HIPK2: variants seen among roughly 807,000 people sequenced by gnomAD.
The protein encoded by HIPK2 is homeodomain-interacting protein kinase 2.
Under a neutral mutation model 113.7 loss-of-function variants are expected in HIPK2, and 27 were observed. The observed-to-expected ratio is 0.24, with a 90% CI of 0.17 to 0.33. HIPK2 has a LOEUF of 0.33. Ranked by LOEUF, HIPK2 falls within the 10% of genes least tolerant of loss-of-function variation. The pLI, the probability that HIPK2 is intolerant of heterozygous loss-of-function variation, is 1.00. For missense variants in HIPK2, 1,257 were observed against 1,588.0 expected (o/e 0.79, Z 3.54); for synonymous variants, 631 against 642.2 (o/e 0.98, Z 0.26).
chr7:139,733,320 G>A (rs1001132804), intron 1 of HIPK2, among the ~76,000 whole-genome samples: 1 of 152,328 alleles, frequency 6.6e-6, no homozygotes, highest in Non-Finnish European at 1.5e-5. Flanking sequence ...ACTGAGGGGA[G>A]GGTGGTCAGC....
intron 2 of HIPK2, among the ~76,000 whole-genome samples, chr7:139,695,404 G>A (rs1453627592): frequency 3.3e-5 from 5 of 152,254 alleles, no homozygotes; most frequent in Non-Finnish European, 5.9e-5. Flanking sequence ...TTGGGGGCTC[G>A]CCACTCCATC....
intron 13 of HIPK2, among the ~76,000 whole-genome samples, chr7:139,576,135 C>A (rs1289031969): frequency 6.6e-6 from 1 of 152,206 alleles, no homozygotes; most frequent in African/African-American, 2.4e-5. Flanking sequence ...GCTAAAATAA[C>A]CCTCAGAGTC....
chr7:139,585,424 C>T (rs1277299070), intron 12 of HIPK2, among the ~76,000 whole-genome samples: 2 of 152,220 alleles, frequency 1.3e-5, no homozygotes, highest in East Asian at 1.9e-4. Context: ...CCCCAACGCC[C>T]AGCGCTCCTG....
At chr7:139,695,413 T>C (rs1356067100) in intron 2 of HIPK2, among the ~76,000 whole-genome samples, 1 of 152,110 alleles carries the variant, frequency 6.6e-6, no homozygotes, top group African/African-American at 2.4e-5. Context: ...CGCCACTCCA[T>C]CTCTTGGGGC....
intron 2 of HIPK2, among the ~76,000 whole-genome samples, chr7:139,679,861 G>A (rs1802635850): frequency 6.6e-6 from 1 of 151,900 alleles, no homozygotes; most frequent in Non-Finnish European, 1.5e-5. Context: ...AAAGGCATTT[G>A]TTTTTTAACC....
intron 1 of HIPK2, among the ~76,000 whole-genome samples, chr7:139,745,913 T>C (rs1279367812): frequency 8.5e-5 from 13 of 152,216 alleles, no homozygotes; most frequent in Non-Finnish European, 1.9e-4. Flanking sequence ...GCCACGATTA[T>C]TTCAACACAG....
At chr7:139,641,693 C>T (rs888732461) in intron 2 of HIPK2, among the ~76,000 whole-genome samples, 5 of 152,134 alleles carry the variant, frequency 3.3e-5, no homozygotes, top group African/African-American at 1.2e-4. Context: ...ATGGCATCGG[C>T]GGCAACAAGG....
At chr7:139,612,262 C>T (rs1331860280) in intron 9 of HIPK2, among the ~76,000 whole-genome samples, 1 of 152,052 alleles carries the variant, frequency 6.6e-6, no homozygotes, top group Non-Finnish European at 1.5e-5. Context: ...TTTAACAAGA[C>T]AGGACAAATA....
chr7:139,671,041 G>T (rs1314704180), intron 2 of HIPK2, among the ~76,000 whole-genome samples: 1 of 152,016 alleles, frequency 6.6e-6, no homozygotes, highest in Non-Finnish European at 1.5e-5. Flanking sequence ...GATTACAGGT[G>T]TAAGCCACCG....
chr7:139,729,662 A>T (rs919889463), intron 1 of HIPK2, among the ~76,000 whole-genome samples: 2 of 152,230 alleles, frequency 1.3e-5, no homozygotes, highest in African/African-American at 4.8e-5. Flanking sequence ...CAACCTTTTA[A>T]ATAAACGTGG....
chr7:139,667,064 T>TA lies in HIPK2; in HGVS notation c.1104-35340dup, dbSNP rs151198904. Reference sequence around the variant, plus strand: ...TGGGCAACAGAGCGAGACTCCTTCTTAAAAAAAAAAAACAAAACAAAAAAA... The same window carrying TA: ...TGGGCAACAGAGCGAGACTCCTTCTTAAAAAAAAAAAAACAAAACAAAAAAA... On this transcript the variant is annotated intron_variant, in intron 2 of 14. Coordinates refer to ENST00000406875, the MANE Select transcript of HIPK2 (RefSeq NM_022740.5). Among the ~76,000 whole-genome samples, 1,081 of 144,322 alleles carry TA rather than the reference T, an allele frequency of 7.5e-3. 14 individuals carry two copies. Among genetic ancestry groups the TA allele is most frequent in the African/African-American group, 0.021 (838 of 39,586 alleles). 94.7% of individuals were successfully genotyped at this position (144,322 alleles called of 152,430 possible). A position where few individuals can be genotyped will look rare whatever the true frequency, so the allele number is the denominator to read the frequency against.
intron 2 of HIPK2, among the ~76,000 whole-genome samples, chr7:139,707,034 C>G (rs533178829): frequency 5.9e-4 from 90 of 152,344 alleles, no homozygotes; most frequent in African/African-American, 2.1e-3. Flanking sequence ...AGCCCTCAAC[C>G]CCTGCGACCA....
At position 139,631,186 on chromosome 7, in the gene HIPK2, T is replaced by C. The variant is rs751228581; in HGVS notation, c.1326A>G (p.Pro442=). 60 of 1,613,214 alleles carry C rather than the reference T, an allele frequency of 3.7e-5. No homozygotes were observed. Among genetic ancestry groups the C allele is most frequent in the Non-Finnish European group, 4.7e-5 (55 of 1,179,654 alleles). ...TRFFNRDTDS[P]YPLWRLKTPD... The stretch of plus-strand genomic sequence containing the variant: ...CTACCTTCAGTCTCCACAAAGGATA[T>C]GGTGAGTCCGTGTCACGGTTGAAAA... Residue 442 remains proline (P), a synonymous_variant, in exon 4 of 15, where the codon CCA becomes CCG. Coordinates refer to ENST00000406875, the MANE Select transcript of HIPK2 (RefSeq NM_022740.5). The surrounding 1 kb of genome is among the most constrained non-coding windows in gnomAD (Gnocchi z 4.9).
At chr7:139,578,293 C>T (rs1217647819) in intron 13 of HIPK2, among the ~76,000 whole-genome samples, 1 of 152,200 alleles carries the variant, frequency 6.6e-6, no homozygotes, top group Non-Finnish European at 1.5e-5. Flanking sequence ...TAGGCATGAG[C>T]CACCGCGCCC....
In HIPK2 at chr7:139,604,028, C is replaced by T. The variant is rs1799529556; in HGVS notation, c.2255+53G>A. On this transcript the variant is annotated intron_variant, in intron 10 of 14. Transcript: ENST00000406875. ...CTGGCAGCCCTGTGTTGGCAGTGGA[C>T]GTGCCTCCCATCCCAGACACACCCA... 9.9e-6 allele frequency: 16 copies of T among 1,609,698 alleles called. No homozygotes were observed. In the Admixed American group the frequency reaches 1.2e-4, roughly 12 times the overall value.
chr7:139,561,681 A>G lies in HIPK2; in HGVS notation c.*11246T>C, dbSNP rs1585209933. The G allele has an allele frequency of 1.3e-5, 2 of 152,100 alleles. No individual in the cohort carries two copies. The highest frequency in any genetic ancestry group is 2.1e-4 in the South Asian group (1 of 4,826). 9.4% of individuals were successfully genotyped at this position (152,100 alleles called of 1,614,324 possible). ...CAAATTTTAATTAATAAGTCATTTC[A>G]CCTCGGAGACCGAAAAAATGATCAA... is the stretch of plus-strand genomic sequence containing the variant. On this transcript the variant is annotated 3_prime_UTR_variant, in exon 15 of 15. Coordinates refer to ENST00000406875, the MANE Select transcript of HIPK2 (RefSeq NM_022740.5).
intron 2 of HIPK2, among the ~76,000 whole-genome samples, chr7:139,686,509 C>T (rs1489882614): frequency 6.6e-6 from 1 of 152,134 alleles, no homozygotes; most frequent in Non-Finnish European, 1.5e-5. Flanking sequence ...ATCATGGGGG[C>T]AGTTGCATTC....
chr7:139,614,859 T>G (rs150669332), intron 7 of HIPK2, among the ~76,000 whole-genome samples: 2 of 152,350 alleles, frequency 1.3e-5, no homozygotes, highest in African/African-American at 4.8e-5. Flanking sequence ...TTTTGACAAA[T>G]ACACCTTCCC....
In HIPK2 at chr7:139,630,554, C is replaced by T. The variant is rs1455428672; in HGVS notation, c.1347+611G>A. 2.0e-5 allele frequency among the ~76,000 whole-genome samples: 3 copies of T among 152,190 alleles called. No homozygotes were observed. Among genetic ancestry groups the T allele is most frequent in the African/African-American group, 4.8e-5 (2 of 41,442 alleles). On this transcript the variant is annotated intron_variant, in intron 4 of 14. Transcript: ENST00000406875. The surrounding 1 kb of genome is among the most constrained non-coding windows in gnomAD (Gnocchi z 4.0). ...GTGGGATTACAGGAGCATGCCACCA[C>T]GCCCAGCTAATTTTTATACTTTTAG...
Sources: allele counts gnomAD v4.1 joint callset (sites outside exome capture counted in the v4.1 genomes callset), GRCh38; gene constraint gnomAD v4.1.1; non-coding constraint Gnocchi (gnomAD v3.1); transcripts MANE v1.5; gene names NCBI Gene and HGNC (gene_info 2026-07-23, HGNC 2026-07-21).